The following SCARA5 variants were observed in gnomAD, a reference collection of about 807,000 sequenced individuals.
SCARA5 encodes the protein scavenger receptor class A, member 5 (putative).
SCARA5 carries 45 observed loss-of-function variants against 46.3 expected under a neutral mutation model. The ratio of observed to expected loss-of-function variants is 0.97; its 90% confidence interval spans 0.76 to 1.24. The LOEUF (loss-of-function observed/expected upper bound fraction) is 1.24, where lower values mean the gene tolerates loss of function less well. Among genes scored for constraint, SCARA5 ranks in the 50% most tolerant of loss-of-function variants. The pLI is 0.00. For missense variants in SCARA5, 680 were observed against 689.0 expected, an observed-to-expected ratio of 0.99 and a Z score of 0.15; for synonymous variants, 333 against 306.5, an observed-to-expected ratio of 1.09 and a Z score of -0.90.
intron 3 of SCARA5, among the ~76,000 whole-genome samples, chr8:27,944,497 T>C (rs1212446691): frequency 6.6e-6 from 1 of 152,060 alleles, no homozygotes; most frequent in African/African-American, 2.4e-5. Context: ...ATGTTAACAA[T>C]ATTAAAATGA....
At chr8:27,878,998 C>T (rs1044220959) in intron 8 of SCARA5, among the ~76,000 whole-genome samples, 5 of 152,074 alleles carry the variant, frequency 3.3e-5, no homozygotes, top group East Asian at 1.9e-4. Context: ...GTGGGAGGAT[C>T]GCTTGAGCCC....
At chr8:27,885,291 C>T (rs755989863) in intron 7 of SCARA5, among the ~76,000 whole-genome samples, 3 of 152,164 alleles carry the variant, frequency 2.0e-5, no homozygotes, top group Non-Finnish European at 4.4e-5. Context: ...TCAGAAAACT[C>T]CTTTCTGTAC....
At chr8:27,915,662 G>T (rs1302248245) in intron 4 of SCARA5, among the ~76,000 whole-genome samples, 11 of 152,200 alleles carry the variant, frequency 7.2e-5, no homozygotes. Flanking sequence ...TCAGCCCACA[G>T]ACAAATCTGC....
At chr8:27,937,427 C>T (rs916297919) in intron 3 of SCARA5, among the ~76,000 whole-genome samples, 3 of 152,214 alleles carry the variant, frequency 2.0e-5, no homozygotes, top group South Asian at 2.1e-4. Flanking sequence ...CTGCACAGCT[C>T]CTGGGTCCTG....
Position 27,922,235 on chromosome 8 carries a change from C to A in SCARA5, c.252G>T (p.Pro84=), listed in dbSNP as rs759765775. 2 of 1,558,436 alleles carry A rather than the reference C, an allele frequency of 1.3e-6. No homozygotes were observed. Among genetic ancestry groups the A allele is most frequent in the Admixed American group, 1.9e-5 (1 of 53,974 alleles). ...CCTTCAGGTCGTCAGGGGAGCTGCG[C>A]GGCCTGGACACTGCGGAGGAGGAAG... ...VGIFILAVSR[P]RSSPDDLKAL... Residue 84 remains proline (P), a synonymous_variant, in exon 4 of 9, where the codon CCG becomes CCT. Transcript: ENST00000354914.
intron 3 of SCARA5, among the ~76,000 whole-genome samples, chr8:27,957,264 G>A (rs1808220398): frequency 6.6e-6 from 1 of 152,182 alleles, no homozygotes; most frequent in South Asian, 2.1e-4. Context: ...CAAAGCACTT[G>A]ACATGTTTCT....
rs117445055 is a variant in SCARA5 at position 27,897,641 on chromosome 8, G to A, written c.1153+7137C>T. On this transcript the variant is annotated intron_variant, in intron 7 of 8. Transcript: ENST00000354914. ...GAGGGAAGGGCGGCACCGCAGGCTC[G>A]GCTGCCTGTGTACGCAGAGAAGTGG... 8.1e-4 allele frequency among the ~76,000 whole-genome samples: 124 copies of A among 152,230 alleles called. No individual in the cohort carries two copies. The East Asian group carries it at 0.02, about 24-fold the overall frequency.
chr8:27,977,141 TG>T (rs1433482789), intron 2 of SCARA5, among the ~76,000 whole-genome samples: 1 of 152,186 alleles, frequency 6.6e-6, no homozygotes, highest in Non-Finnish European at 1.5e-5. Flanking sequence ...AGGGAGCCGC[TG>T]GGGTCCCTTT....
In SCARA5 at chr8:27,926,287, G is replaced by A. The variant is rs571916333; in HGVS notation, c.242-4042C>T. On this transcript the variant is annotated intron_variant, in intron 3 of 8. Coordinates refer to ENST00000354914, the MANE Select transcript of SCARA5 (RefSeq NM_173833.6). ...CAGCCATAAAAAAGGATGAGTTCAT[G>A]TCCTTTGCAGGGACATGGATAAAGC... is the stretch of plus-strand genomic sequence containing the variant. Among the ~76,000 whole-genome samples, 366 of 152,346 alleles carry A rather than the reference G, an allele frequency of 2.4e-3. 2 individuals carry two copies. The highest frequency in any genetic ancestry group is 8.4e-3 in the African/African-American group (351 of 41,578).
At chr8:27,889,155 G>C (rs903134136) in intron 7 of SCARA5, among the ~76,000 whole-genome samples, 1 of 152,184 alleles carries the variant, frequency 6.6e-6, no homozygotes, top group Non-Finnish European at 1.5e-5. Flanking sequence ...CCAGTAAAGA[G>C]GGTACAGCTG....
At chr8:27,933,159 C>T (rs1007998079) in intron 3 of SCARA5, among the ~76,000 whole-genome samples, 3 of 152,162 alleles carry the variant, frequency 2.0e-5, no homozygotes, top group Non-Finnish European at 4.4e-5. Context: ...GGGCTGCAGG[C>T]GTTGATTTTT....
intron 1 of SCARA5, among the ~76,000 whole-genome samples, chr8:27,990,793 G>A (rs560231921): frequency 5.3e-5 from 8 of 152,338 alleles, no homozygotes; most frequent in African/African-American, 1.7e-4. Context: ...GGCGAGATGT[G>A]GAAGCCACAG....
chr8:27,870,829 A>G lies in SCARA5; in HGVS notation c.*1105T>C, dbSNP rs984866465. 1 of 152,108 alleles carries G rather than the reference A, an allele frequency of 6.6e-6. No homozygotes were observed. The highest frequency in any genetic ancestry group is 2.4e-5 in the African/African-American group (1 of 41,384). 9.4% of individuals were successfully genotyped at this position (152,108 alleles called of 1,614,324 possible). On this transcript the variant is annotated 3_prime_UTR_variant, in exon 9 of 9. Transcript: ENST00000354914. ...AGGACTTGTGTTTTCCTGACCACAG[A>G]TTCACACCTGAAGAGGCTTGGAAGA...
At chr8:27,898,960 C>T (rs1042427216) in intron 7 of SCARA5, among the ~76,000 whole-genome samples, 1 of 152,250 alleles carries the variant, frequency 6.6e-6, no homozygotes, top group Admixed American at 6.5e-5. Context: ...AAGCTCTGCA[C>T]CCCATCCCCA....
At chr8:27,976,323 A>T (rs1452902132) in intron 2 of SCARA5, among the ~76,000 whole-genome samples, 1 of 152,188 alleles carries the variant, frequency 6.6e-6, no homozygotes, top group African/African-American at 2.4e-5. Context: ...CAATGCAGTG[A>T]GACTCAAGCA....
chr8:27,887,121 C>A (rs1009584082), intron 7 of SCARA5, among the ~76,000 whole-genome samples: 11 of 152,184 alleles, frequency 7.2e-5, no homozygotes, highest in African/African-American at 2.7e-4. Context: ...TGGTGATGAG[C>A]AATGGGACCC....
intron 8 of SCARA5, among the ~76,000 whole-genome samples, chr8:27,874,072 A>C (rs963912285): frequency 1.3e-5 from 2 of 152,226 alleles, no homozygotes; most frequent in African/African-American, 4.8e-5. Flanking sequence ...AAACCAAATT[A>C]TTGAGGCCTC....
At chr8:27,979,296 G>A (rs1315410681) in intron 2 of SCARA5, among the ~76,000 whole-genome samples, 2 of 152,198 alleles carry the variant, frequency 1.3e-5, no homozygotes, top group East Asian at 3.9e-4. Context: ...AGGAGCAGAA[G>A]CAGACATACT....
chr8:27,904,476 A>G (rs936918193), intron 7 of SCARA5: 1 of 524,472 alleles, frequency 1.9e-6, no homozygotes, highest in Admixed American at 3.1e-5. Flanking sequence ...TATTTTATAG[A>G]TGAGAACACT....
Sources: allele counts gnomAD v4.1 joint callset (sites outside exome capture counted in the v4.1 genomes callset), GRCh38; gene constraint gnomAD v4.1.1; transcripts MANE v1.5; gene names NCBI Gene and HGNC (gene_info 2026-07-23, HGNC 2026-07-21).